Variants in TGFBRAP1 observed in about 807,000 individuals in gnomAD.
TGFBRAP1 encodes the protein transforming growth factor-beta receptor-associated protein 1.
A neutral mutation model predicts 83.2 loss-of-function variants in TGFBRAP1; 20 were observed. The ratio of observed to expected loss-of-function variants is 0.24; its 90% CI spans 0.17 to 0.35. The LOEUF is 0.35. Ranked by LOEUF, TGFBRAP1 falls within the 10% of genes least tolerant of loss-of-function variation. The pLI, the probability that TGFBRAP1 is intolerant of heterozygous loss-of-function variation, is 1.00. For synonymous variants in TGFBRAP1, 415 were observed against 459.8 expected, an observed-to-expected ratio of 0.90 and a Z score of 1.25; for missense variants, 950 against 1,099.4, an observed-to-expected ratio of 0.86 and a Z score of 1.92.
chr2:105,270,344 C>T (rs1477771049), intron 10 of TGFBRAP1, among the ~76,000 whole-genome samples: 1 of 152,112 alleles, frequency 6.6e-6, no homozygotes, highest in African/African-American at 2.4e-5. Flanking sequence ...TGACCAAGGC[C>T]CCACCCTTAG....
chr2:105,283,323 T>A (rs531250063), intron 5 of TGFBRAP1, among the ~76,000 whole-genome samples: 1 of 152,350 alleles, frequency 6.6e-6, no homozygotes, highest in African/African-American at 2.4e-5. Context: ...AGTAATGCCA[T>A]TCTTCAAATA....
intron 3 of TGFBRAP1, 116 bp downstream of exon 3, chr2:105,298,395 G>A: frequency 9.1e-7 from 1 of 1,099,594 alleles, no homozygotes. Flanking sequence ...CTGTATTGGA[G>A]TCATCTGTGT....
At chr2:105,319,117 G>A (rs1678976544) in intron 1 of TGFBRAP1, among the ~76,000 whole-genome samples, 1 of 152,082 alleles carries the variant, frequency 6.6e-6, no homozygotes, top group African/African-American at 2.4e-5. Context: ...CTGGAGTGCA[G>A]TGGTGTAATC....
intron 10 of TGFBRAP1, among the ~76,000 whole-genome samples, chr2:105,272,530 A>G (rs1293766143): frequency 6.6e-6 from 1 of 152,134 alleles, no homozygotes; most frequent in Non-Finnish European, 1.5e-5. Context: ...CCATCTCTAG[A>G]GGCACGAGAA....
At chr2:105,301,042 G>A (rs1344254560) in intron 2 of TGFBRAP1, among the ~76,000 whole-genome samples, 1 of 151,964 alleles carries the variant, frequency 6.6e-6, no homozygotes, top group Non-Finnish European at 1.5e-5. Flanking sequence ...TGGGCCATGT[G>A]GTGAAACCCG....
At position 105,269,601 on chromosome 2, in the gene TGFBRAP1, A is replaced by G. The variant is rs762193471; in HGVS notation, c.2077T>C (p.Phe693Leu). Reference sequence around the variant, plus strand: ...AGGCAGTAGTCCTCGGCCGCTGCAAAGTCCTGCAGCTCGTGCACCAGGATA... The same window carrying G: ...AGGCAGTAGTCCTCGGCCGCTGCAAGGTCCTGCAGCTCGTGCACCAGGATA... ...LHILVHELQD[F>L]AAAEDYCLWC... The change falls in exon 11 of 12, where the codon TTT (phenylalanine) becomes CTT (leucine). Residue 693 changes from phenylalanine (F) to leucine (L), a missense_variant. By Grantham distance (22) the Phe-to-Leu change is conservative (BLOSUM62 0). Coordinates refer to ENST00000393359, the MANE Select transcript of TGFBRAP1 (RefSeq NM_004257.6). The surrounding 1 kb of genome is among the most constrained non-coding windows in gnomAD (Gnocchi z 4.1). 3.1e-6 allele frequency: 5 copies of G among 1,609,218 alleles called. No individual in the cohort carries two copies. Among genetic ancestry groups the G allele is most frequent in the East Asian group, 4.5e-5 (2 of 44,714 alleles).
rs768119149 is a variant in TGFBRAP1 at position 105,273,636 on chromosome 2, A to G, written c.1720T>C (p.Phe574Leu). The G allele has an allele frequency of 6.2e-7, 1 of 1,614,164 alleles. No individual in the cohort carries two copies. The highest frequency in any genetic ancestry group is 8.5e-7 in the Non-Finnish European group (1 of 1,180,038). The change falls in exon 9 of 12, where the codon TTT becomes CTT. Residue 574 changes from phenylalanine (F) to leucine (L), a missense_variant. Physicochemically the swap from Phe to Leu is conservative, Grantham distance 22. Transcript: ENST00000393359. The stretch of plus-strand genomic sequence containing the variant: ...CAATTGATAATGTCGTCTGGATTAA[A>G]ACTGTTCTTCTGCTGTTCATCCAAA... ...RPLDEQQKNSFNPDDIINCLK... is the reference protein window; with the variant it reads ...RPLDEQQKNSLNPDDIINCLK...
At chr2:105,318,840 G>A (rs902066526) in intron 1 of TGFBRAP1, among the ~76,000 whole-genome samples, 1 of 152,156 alleles carries the variant, frequency 6.6e-6, no homozygotes, top group African/African-American at 2.4e-5. Context: ...ACCGTCTGGG[G>A]CAGCAGCTTC....
chr2:105,255,856 C>G, the TGFBRAP1 span, among the ~76,000 whole-genome samples: 1 of 152,082 alleles, frequency 6.6e-6, no homozygotes, highest in African/African-American at 2.4e-5. Context: ...CGGGAAGGCT[C>G]CTGACCACAT....
At chr2:105,311,262 G>A (rs1678683716) in intron 1 of TGFBRAP1, among the ~76,000 whole-genome samples, 1 of 151,810 alleles carries the variant, frequency 6.6e-6, no homozygotes, top group Non-Finnish European at 1.5e-5. Context: ...TGTTATTCAA[G>A]CCTTGCTAAA....
At chr2:105,263,951 G>A (rs1440114674), downstream of TGFBRAP1, among the ~76,000 whole-genome samples, 2 of 152,172 alleles carry the variant, frequency 1.3e-5, no homozygotes, top group Non-Finnish European at 2.9e-5. Flanking sequence ...TTTCTTCAGG[G>A]TGGGAATAGC....
In TGFBRAP1 at chr2:105,316,462, T is replaced by TGTGTGTGCGC. The variant is rs1177329674; in HGVS notation, c.-17-8145_-17-8144insGCGCACACAC. Among the ~76,000 whole-genome samples, 93 of 84,798 alleles carry TGTGTGTGCGC rather than the reference T, an allele frequency of 1.1e-3. 1 individual carries two copies. The highest frequency in any genetic ancestry group is 1.6e-3 in the African/African-American group (30 of 18,486). 55.6% of individuals were successfully genotyped at this position (84,798 alleles called of 152,430 possible). On this transcript the variant is annotated intron_variant, in intron 1 of 11. Transcript: ENST00000393359. ...GTGTGTGTGTGTGTGTGTGTGTGTG[T>TGTGTGTGCGC]GCGCGCGCGCGCGCGCGCACGCGCA...
At chr2:105,304,846 C>G (rs1678442164) in intron 2 of TGFBRAP1, among the ~76,000 whole-genome samples, 1 of 152,110 alleles carries the variant, frequency 6.6e-6, no homozygotes, top group Admixed American at 6.5e-5. Flanking sequence ...AGGCTACATA[C>G]TGTATGGTCC....
At chr2:105,283,910 C>T (rs760927839) in intron 5 of TGFBRAP1, among the ~76,000 whole-genome samples, 1 of 152,200 alleles carries the variant, frequency 6.6e-6, no homozygotes, top group Non-Finnish European at 1.5e-5. Flanking sequence ...CCCAGAAGCA[C>T]TGTCTTTTCC....
At chr2:105,313,080 C>G (rs1485398971) in intron 1 of TGFBRAP1, among the ~76,000 whole-genome samples, 1 of 152,122 alleles carries the variant, frequency 6.6e-6, no homozygotes, top group African/African-American at 2.4e-5. Context: ...CCACTGCACT[C>G]CAGCCTGGGC....
chr2:105,263,541 G>A (rs1038119287), downstream of TGFBRAP1, among the ~76,000 whole-genome samples: 1 of 152,050 alleles, frequency 6.6e-6, no homozygotes, highest in African/African-American at 2.4e-5. Context: ...CTATTCACAC[G>A]TATTTGGGAT....
At chr2:105,322,886 G>T (rs577918160) in intron 1 of TGFBRAP1, among the ~76,000 whole-genome samples, 81 of 152,268 alleles carry the variant, frequency 5.3e-4, no homozygotes, top group African/African-American at 1.8e-3. Context: ...GACAAAAGTT[G>T]CCATAGATCC....
chr2:105,260,656 C>A (rs545757515), downstream of TGFBRAP1, among the ~76,000 whole-genome samples: 3 of 152,144 alleles, frequency 2.0e-5, no homozygotes, highest in African/African-American at 7.2e-5. Context: ...ACAAAAAGTT[C>A]TGGAGATGCA....
intron 1 of TGFBRAP1, among the ~76,000 whole-genome samples, 172 bp from the exon 2 acceptor site, chr2:105,308,490 C>T (rs1985599): frequency 0.048 from 7,333 of 152,192 alleles, 211 homozygotes; most frequent in African/African-American, 0.075. Flanking sequence ...CATCAGACAG[C>T]AGAAGACCCA....
Sources: gnomAD v4.1 joint callset for allele counts (sites outside exome capture counted in the v4.1 genomes callset) on GRCh38, gnomAD v4.1.1 for gene constraint, Gnocchi (gnomAD v3.1) non-coding constraint, MANE v1.5 for transcripts, NCBI Gene and HGNC (gene_info 2026-07-23, HGNC 2026-07-21) for gene names.